Variants in EHHADH observed in about 807,000 individuals in gnomAD.
The protein encoded by EHHADH is enoyl-CoA hydratase and 3-hydroxyacyl CoA dehydrogenase, also known as peroxisomal bifunctional enzyme.
A neutral mutation model predicts 64.4 loss-of-function variants in EHHADH; 48 were observed. The ratio of observed to expected loss-of-function variants is 0.75; its 90% CI spans 0.59 to 0.95. The LOEUF is 0.95. EHHADH is among the 40% of genes least tolerant of loss of function. The pLI, the probability that EHHADH is intolerant of heterozygous loss-of-function variation, is 0.00. For synonymous variants in EHHADH, 308 were observed against 326.7 expected (o/e 0.94, Z 0.62); for missense variants, 854 against 876.6 (o/e 0.97, Z 0.33).
intron 4 of EHHADH, among the ~76,000 whole-genome samples, chr3:185,223,488 T>C (rs573071185): frequency 4.2e-4 from 64 of 152,330 alleles, no homozygotes; most frequent in Middle Eastern, 3.4e-3. Flanking sequence ...GAGTTGCAGT[T>C]GTTTTAGTTT....
intron 6 of EHHADH, among the ~76,000 whole-genome samples, chr3:185,194,955 A>T (rs1465958492): frequency 6.6e-6 from 1 of 152,130 alleles, no homozygotes; most frequent in Admixed American, 6.6e-5. Context: ...ATTTTTAACA[A>T]GAGTGCCAAG....
intron 1 of EHHADH, among the ~76,000 whole-genome samples, chr3:185,250,341 T>C (rs1719711929): frequency 2.6e-5 from 4 of 152,200 alleles, no homozygotes; most frequent in Admixed American, 2.0e-4. Flanking sequence ...ATCCTCTGGA[T>C]ATATCTTCAT....
intron 2 of EHHADH, among the ~76,000 whole-genome samples, chr3:185,235,827 T>C (rs1166832950): frequency 2.6e-5 from 4 of 152,150 alleles, no homozygotes; most frequent in Admixed American, 1.3e-4. Flanking sequence ...TATTCTGAGA[T>C]TGAGTCAGCC....
intron 1 of EHHADH, among the ~76,000 whole-genome samples, chr3:185,251,340 A>G (rs2108654448): frequency 6.6e-6 from 1 of 152,326 alleles, no homozygotes. Context: ...ATACCAAGTA[A>G]GGATAGGTTT....
intron 4 of EHHADH, among the ~76,000 whole-genome samples, chr3:185,224,518 AAAAAAAGAAAG>A (rs1248768774): frequency 6.6e-5 from 10 of 151,660 alleles, no homozygotes; most frequent in Non-Finnish European, 1.5e-4. Context: ...AAAAAAAAAA[AAAAAAAGAAAG>A]AAAAAAATAT....
At chr3:185,195,904 A>T (rs775018371) in intron 6 of EHHADH, among the ~76,000 whole-genome samples, 9 of 152,242 alleles carry the variant, frequency 5.9e-5, no homozygotes, top group Non-Finnish European at 1.0e-4. Flanking sequence ...ACAAACCTGC[A>T]CACGTACCCC....
At chr3:185,202,577 C>T (rs1310795792) in intron 6 of EHHADH, among the ~76,000 whole-genome samples, 2 of 152,146 alleles carry the variant, frequency 1.3e-5, no homozygotes, top group Non-Finnish European at 2.9e-5. Context: ...CCTGTTAGCA[C>T]AGCAGGAGGT....
At chr3:185,234,092 A>G (rs1198438626) in intron 3 of EHHADH, among the ~76,000 whole-genome samples, 5 of 152,152 alleles carry the variant, frequency 3.3e-5, no homozygotes, top group Non-Finnish European at 7.4e-5. Context: ...ACATCTGTAT[A>G]CTTTCTTATG....
chr3:185,228,881 G>A lies in EHHADH; in HGVS notation c.463+551C>T, dbSNP rs533371772. 1.2e-3 allele frequency among the ~76,000 whole-genome samples: 188 copies of A among 151,696 alleles called. 2 individuals are homozygous for A. The highest frequency in any genetic ancestry group is 4.3e-3 in the African/African-American group (178 of 41,428). ...TGCAGTGGCGTAGTCTCAGCTCACC[G>A]CAACCTCCGCTTCCTGGGTTCAAGC... On this transcript the variant is annotated intron_variant, in intron 4 of 6. Coordinates refer to ENST00000231887, the MANE Select transcript of EHHADH (RefSeq NM_001966.4).
chr3:185,251,607 T>A (rs1719749115), intron 1 of EHHADH, among the ~76,000 whole-genome samples: 1 of 62,302 alleles, frequency 1.6e-5, no homozygotes, highest in African/African-American at 6.7e-5. Context: ...AAAAAATTTA[T>A]ATGTGTGTGT....
chr3:185,237,509 T>G (rs1719329260), intron 2 of EHHADH, among the ~76,000 whole-genome samples: 1 of 152,208 alleles, frequency 6.6e-6, no homozygotes, highest in Non-Finnish European at 1.5e-5. Context: ...ATGGATACCT[T>G]TTGCCTGATT....
chr3:185,224,501 C>CAAAAAAA (rs757023353), intron 4 of EHHADH, among the ~76,000 whole-genome samples: 5 of 51,562 alleles, frequency 9.7e-5, no homozygotes, highest in Non-Finnish European at 1.6e-4. Context: ...ACCCTGTCAC[C>CAAAAAAA]AAAAAAAAAA....
intron 5 of EHHADH, among the ~76,000 whole-genome samples, chr3:185,205,720 A>G (rs1718369400): frequency 6.6e-6 from 1 of 152,100 alleles, no homozygotes; most frequent in Non-Finnish European, 1.5e-5. Context: ...CTGCCAACCT[A>G]CTGTTTGAGG....
intron 5 of EHHADH, among the ~76,000 whole-genome samples, chr3:185,215,614 A>G (rs1442254688): frequency 6.6e-6 from 1 of 152,220 alleles, no homozygotes; most frequent in Non-Finnish European, 1.5e-5. Flanking sequence ...AAAATTCACC[A>G]AACTCCCCCT....
At position 185,192,253 on chromosome 3, in the gene EHHADH, C is replaced by T. The variant is rs761518679; in HGVS notation, c.2145G>A (p.Leu715=). The change falls in exon 7 of 7, where the codon TTG becomes TTA. Residue 715 remains leucine (L), a synonymous_variant. Coordinates refer to ENST00000231887, the MANE Select transcript of EHHADH (RefSeq NM_001966.4). The part of the protein sequence containing the change: ...GNPPLKEWQS[L]AGSPSSKL ...ACAATTTACTGCTAGGGGAGCCTGC[C>T]AAGCTTTGCCATTCTTTCAGGGGAG... 14 of 1,613,620 alleles carry T rather than the reference C, an allele frequency of 8.7e-6. No homozygotes were observed. The Middle Eastern group carries it at 6.6e-4, about 76-fold the overall frequency.
intron 6 of EHHADH, among the ~76,000 whole-genome samples, chr3:185,200,567 A>T (rs1287176194): frequency 6.6e-6 from 1 of 152,196 alleles, no homozygotes; most frequent in Non-Finnish European, 1.5e-5. Context: ...AGCTTCATAT[A>T]GTTCTCTAAT....
At chr3:185,238,751 T>G (rs1170831353) in intron 2 of EHHADH, among the ~76,000 whole-genome samples, 1 of 152,244 alleles carries the variant, frequency 6.6e-6, no homozygotes, top group East Asian at 1.9e-4. Flanking sequence ...GTAGGTTGTC[T>G]GTTTACTCTG....
chr3:185,218,332 T>G, intron 4 of EHHADH, 92 bp from the exon 5 acceptor site: 1 of 765,336 alleles, frequency 1.3e-6, no homozygotes. Flanking sequence ...AAAGGCTGTC[T>G]GTCTGGATAT....
chr3:185,235,487 A>G, intron 2 of EHHADH, 25 bp from the exon 3 acceptor site: 1 of 1,580,348 alleles, frequency 6.3e-7, no homozygotes, highest in Non-Finnish European at 8.6e-7. Flanking sequence ...ACAAGGAGAA[A>G]ACAGAGTTGA....
Sources: allele counts gnomAD v4.1 joint callset (sites outside exome capture counted in the v4.1 genomes callset), GRCh38; gene constraint gnomAD v4.1.1; transcripts MANE v1.5; gene names NCBI Gene and HGNC (gene_info 2026-07-23, HGNC 2026-07-21).